CCDC171: variants seen among roughly 807,000 people sequenced by gnomAD.
CCDC171 encodes the protein coiled-coil domain-containing protein 171.
A neutral mutation model predicts 168.2 loss-of-function variants in CCDC171; 177 were observed. The observed-to-expected ratio is 1.05, with a 90% CI of 0.93 to 1.19. CCDC171 has a LOEUF of 1.19. Among genes scored for constraint, CCDC171 ranks in the 50% most tolerant of loss-of-function variants. The probability of loss-of-function intolerance (pLI) is 0.00; values close to 1 mark genes in which losing one functional copy is unlikely to be tolerated. For missense variants in CCDC171, 1,991 were observed against 1,539.0 expected, an observed-to-expected ratio of 1.29 and a Z score of -4.91; for synonymous variants, 687 against 540.8, an observed-to-expected ratio of 1.27 and a Z score of -3.75.
At chr9:15,662,435 C>G (rs559233338) in intron 8 of CCDC171, among the ~76,000 whole-genome samples, 21 of 152,210 alleles carry the variant, frequency 1.4e-4, no homozygotes, top group African/African-American at 5.1e-4. Context: ...TCTTTCTTAA[C>G]TCAGGTTGTG....
intron 21 of CCDC171, among the ~76,000 whole-genome samples, chr9:15,804,695 CTTGTT>C (rs1037378679): frequency 6.6e-6 from 1 of 151,964 alleles, no homozygotes; most frequent in African/African-American, 2.4e-5. Context: ...CTGGAGTTGT[CTTGTT>C]TTGTTTATCT....
chr9:15,672,529 T>G (rs1213099242), intron 9 of CCDC171, among the ~76,000 whole-genome samples: 2 of 152,190 alleles, frequency 1.3e-5, no homozygotes, highest in Non-Finnish European at 2.9e-5. Context: ...AATTTTTGTA[T>G]AAGGTGTAAG....
At chr9:15,676,311 G>T (rs2049555919) in intron 9 of CCDC171, among the ~76,000 whole-genome samples, 2 of 152,108 alleles carry the variant, frequency 1.3e-5, no homozygotes, top group African/African-American at 4.8e-5. Flanking sequence ...CCTTGTGATG[G>T]GTTAGAACAT....
At chr9:15,727,257 A>G (rs1001327902) in intron 14 of CCDC171, among the ~76,000 whole-genome samples, 4 of 152,188 alleles carry the variant, frequency 2.6e-5, no homozygotes, top group Admixed American at 1.3e-4. Context: ...CCCATCTTCC[A>G]TATCTTTCAT....
intron 25 of CCDC171, among the ~76,000 whole-genome samples, chr9:15,936,084 A>T (rs1234130384): frequency 6.6e-6 from 1 of 152,088 alleles, no homozygotes; most frequent in Non-Finnish European, 1.5e-5. Flanking sequence ...TTTTATGAAT[A>T]GGTACTGTTG....
intron 24 of CCDC171, among the ~76,000 whole-genome samples, chr9:15,900,168 C>A (rs1821426793): frequency 6.6e-6 from 1 of 152,138 alleles, no homozygotes; most frequent in South Asian, 2.1e-4. Flanking sequence ...GATACCACTC[C>A]TGTGATTAGG....
chr9:16,081,896 G>A, the CCDC171 span, among the ~76,000 whole-genome samples: 2 of 150,084 alleles, frequency 1.3e-5, no homozygotes, highest in Admixed American at 6.6e-5. Flanking sequence ...CTGCATCCTC[G>A]AATGACTCTT....
At chr9:15,628,602 G>A (rs2045382949) in intron 7 of CCDC171, among the ~76,000 whole-genome samples, 1 of 151,794 alleles carries the variant, frequency 6.6e-6, no homozygotes, top group Admixed American at 6.6e-5. Flanking sequence ...TGGGGGCAGG[G>A]CACAGACAAA....
intron 7 of CCDC171, among the ~76,000 whole-genome samples, chr9:15,656,321 C>CA (rs1163329115): frequency 0.05 from 4,438 of 89,474 alleles, 153 homozygotes; most frequent in African/African-American, 0.13. Flanking sequence ...GACTCCGTCT[C>CA]AAAAAAAAAA....
chr9:15,593,909 T>C, intron 5 of CCDC171, 132 bp from the exon 6 acceptor site: 1 of 612,960 alleles, frequency 1.6e-6, no homozygotes, highest in South Asian at 2.2e-5. Context: ...GTTTTATTAA[T>C]GATTTTAACA....
At chr9:16,062,354 C>T (rs770855960), downstream of CCDC171, among the ~76,000 whole-genome samples, 4 of 151,974 alleles carry the variant, frequency 2.6e-5, no homozygotes, top group Admixed American at 1.3e-4. Flanking sequence ...AAACACTGAG[C>T]GCACATGGAC....
chr9:16,089,956 TTTGACACTG>T, the CCDC171 span, among the ~76,000 whole-genome samples: 3 of 152,196 alleles, frequency 2.0e-5, no homozygotes, highest in Non-Finnish European at 4.4e-5. Flanking sequence ...ATAGGAAAGC[TTTGACACTG>T]TTGATGGGTG....
intron 7 of CCDC171, 99 bp from the exon 8 acceptor site, chr9:15,657,028 C>A: frequency 1.9e-6 from 1 of 518,472 alleles, no homozygotes; most frequent in Non-Finnish European, 3.3e-6. Flanking sequence ...GGCTGCAAGT[C>A]CACTAATCTA....
At chr9:15,598,804 A>G (rs2042591313) in intron 6 of CCDC171, among the ~76,000 whole-genome samples, 2 of 152,236 alleles carry the variant, frequency 1.3e-5, no homozygotes, top group South Asian at 4.1e-4. Flanking sequence ...GTAGGTCTCT[A>G]AGGACTTCCT....
At chr9:15,680,998 C>G (rs1336229112) in intron 10 of CCDC171, among the ~76,000 whole-genome samples, 1 of 152,088 alleles carries the variant, frequency 6.6e-6, no homozygotes, top group African/African-American at 2.4e-5. Flanking sequence ...GTTTAACTCA[C>G]CACAGAGCAT....
chr9:15,569,647 C>T (rs1283173561), intron 2 of CCDC171, among the ~76,000 whole-genome samples: 2 of 151,636 alleles, frequency 1.3e-5, no homozygotes, highest in Non-Finnish European at 2.9e-5. Context: ...AACCCCGTCT[C>T]TACTAAAAAT....
chr9:15,794,630 A>T (rs1386972897), intron 21 of CCDC171, among the ~76,000 whole-genome samples: 2 of 152,226 alleles, frequency 1.3e-5, no homozygotes, highest in Non-Finnish European at 2.9e-5. Flanking sequence ...GTTTATACAG[A>T]CTGTGAGCTA....
At chr9:15,856,340 C>T (rs529111283) in intron 23 of CCDC171, among the ~76,000 whole-genome samples, 1 of 151,960 alleles carries the variant, frequency 6.6e-6, no homozygotes, top group Non-Finnish European at 1.5e-5. Flanking sequence ...CCACTTCTCC[C>T]TCCCTGACCC....
the CCDC171 span, among the ~76,000 whole-genome samples, chr9:16,106,370 G>A: frequency 6.6e-6 from 1 of 152,228 alleles, no homozygotes; most frequent in African/African-American, 2.4e-5. Flanking sequence ...TTTGGACTCC[G>A]CATTTCCGTA....
Sources: allele counts gnomAD v4.1 joint callset (sites outside exome capture counted in the v4.1 genomes callset), GRCh38; gene constraint gnomAD v4.1.1; transcripts MANE v1.5; gene names NCBI Gene and HGNC (gene_info 2026-07-23, HGNC 2026-07-21).